NXN: variants seen among roughly 807,000 people sequenced by gnomAD.
NXN encodes the protein nucleoredoxin 1.
A neutral mutation model predicts 48.6 loss-of-function variants in NXN; 16 were observed. The observed-to-expected ratio is 0.33, with a 90% CI of 0.22 to 0.50. The LOEUF (loss-of-function observed/expected upper bound fraction) is 0.50, where lower values mean the gene tolerates loss of function less well. Ranked by LOEUF, NXN falls within the 20% of genes least tolerant of loss-of-function variation. NXN has a pLI of 0.98. For synonymous variants in NXN, 281 were observed against 269.6 expected (o/e 1.04, Z -0.41); for missense variants, 492 against 605.5 (o/e 0.81, Z 1.97).
Position 920,475 on chromosome 17 carries a change from G to C in NXN, c.360+58844C>G, listed in dbSNP as rs1212123757. ...CAATTCCTCCAGCGTTCTCCTCCCA[G>C]GGTTCCGCTCCCTCCCCAAGTGACC... On this transcript the variant is annotated intron_variant, in intron 1 of 7. Transcript: ENST00000336868. The surrounding 1 kb of genome is among the most constrained non-coding windows in gnomAD (Gnocchi z 4.6). 6.6e-6 allele frequency among the ~76,000 whole-genome samples: 1 copy of C among 151,940 alleles called. No homozygotes were observed. Among genetic ancestry groups the C allele is most frequent in the African/African-American group, 2.4e-5 (1 of 41,374 alleles).
intron 1 of NXN, among the ~76,000 whole-genome samples, chr17:841,036 G>A (rs1480108082): frequency 1.3e-5 from 2 of 152,124 alleles, no homozygotes; most frequent in Non-Finnish European, 2.9e-5. Flanking sequence ...TTCGAATCCC[G>A]GCTCTGCCAC....
In NXN at chr17:849,007, G is replaced by T. The variant is rs1430686495; in HGVS notation, c.361-22929C>A. Among the ~76,000 whole-genome samples the T allele has an allele frequency of 2.0e-5, 3 of 152,202 alleles. No homozygotes were observed. The highest frequency in any genetic ancestry group is 4.4e-5 in the Non-Finnish European group (3 of 68,034). ...ACCAGGCATTTGTGCCAGACGGTAT[G>T]GGGTCAGATCAAGACAAAGGTCTTC... On this transcript the variant is annotated intron_variant, in intron 1 of 7. Transcript: ENST00000336868. This position sits in a 1 kb window ranked among gnomAD's most constrained non-coding sequence, Gnocchi z 4.2.
chr17:899,968 C>G (rs1393973285), intron 1 of NXN, among the ~76,000 whole-genome samples: 1 of 152,050 alleles, frequency 6.6e-6, no homozygotes, highest in Non-Finnish European at 1.5e-5. Flanking sequence ...GAGTTTAACA[C>G]TAAAACTTTT....
In NXN at chr17:943,138, C is replaced by G. The variant is rs530869014; in HGVS notation, c.360+36181G>C. Among the ~76,000 whole-genome samples the G allele has an allele frequency of 2.6e-5, 4 of 152,296 alleles. No individual in the cohort carries two copies. In the South Asian group the frequency reaches 8.3e-4, roughly 32 times the overall value. On this transcript the variant is annotated intron_variant, in intron 1 of 7. Transcript: ENST00000336868. ...ACATACTTCATCGTTTTAAAATAAC[C>G]GTCGGTTTCTTAAGGTAAATATTAA... is the stretch of plus-strand genomic sequence containing the variant.
In NXN at chr17:799,634, C is replaced by T. The variant is rs1215297045; in HGVS notation, c.*1315G>A. 6.6e-6 allele frequency: 1 copy of T among 152,266 alleles called. No homozygotes were observed. The highest frequency in any genetic ancestry group is 1.5e-5 in the Non-Finnish European group (1 of 68,076). 9.4% of individuals were successfully genotyped at this position (152,266 alleles called of 1,614,324 possible). A position where few individuals can be genotyped will look rare whatever the true frequency, so the allele number is the denominator to read the frequency against. Reference sequence around the variant, plus strand: ...CCTGAGAACAGAGTTGTCTGTTTCTCTTTCGGGGGTCAGGTCAGCCCAAGT... The same window carrying T: ...CCTGAGAACAGAGTTGTCTGTTTCTTTTTCGGGGGTCAGGTCAGCCCAAGT... On this transcript the variant is annotated 3_prime_UTR_variant, in exon 8 of 8. Coordinates refer to ENST00000336868, the MANE Select transcript of NXN (RefSeq NM_022463.5).
intron 1 of NXN, among the ~76,000 whole-genome samples, chr17:846,930 C>T (rs1671721301): frequency 6.6e-6 from 1 of 152,098 alleles, no homozygotes; most frequent in African/African-American, 2.4e-5. Context: ...GAAGAGAAAC[C>T]TCATCATATC....
chr17:876,699 T>TC (rs1470258813), intron 1 of NXN, among the ~76,000 whole-genome samples: 1 of 152,178 alleles, frequency 6.6e-6, no homozygotes, highest in Non-Finnish European at 1.5e-5. Flanking sequence ...TACGGGAAAC[T>TC]CCTTGTGGTT....
intron 5 of NXN, among the ~76,000 whole-genome samples, chr17:812,067 A>C (rs1912067558): frequency 6.6e-6 from 1 of 151,176 alleles, no homozygotes; most frequent in East Asian, 1.9e-4. Flanking sequence ...AGCTGGGACT[A>C]CAGGCGCCCG....
chr17:944,030 G>A (rs1039517444), intron 1 of NXN, among the ~76,000 whole-genome samples: 1 of 151,996 alleles, frequency 6.6e-6, no homozygotes, highest in Non-Finnish European at 1.5e-5. Flanking sequence ...CTGAGGTCAG[G>A]GGTTCGAGAC....
At chr17:853,947 C>T (rs1340496196) in intron 1 of NXN, among the ~76,000 whole-genome samples, 3 of 151,840 alleles carry the variant, frequency 2.0e-5, no homozygotes, top group African/African-American at 2.4e-5. Flanking sequence ...GTCTTGATCT[C>T]CTGACCTCCT....
At chr17:937,497 A>T (rs1370286009) in intron 1 of NXN, among the ~76,000 whole-genome samples, 4 of 152,108 alleles carry the variant, frequency 2.6e-5, no homozygotes, top group African/African-American at 9.7e-5. Flanking sequence ...GTGGGGAGGG[A>T]CAAAAGGAGG....
At chr17:852,070 G>A (rs148011325) in intron 1 of NXN, among the ~76,000 whole-genome samples, 1 of 152,228 alleles carries the variant, frequency 6.6e-6, no homozygotes, top group Admixed American at 6.5e-5. Flanking sequence ...CAGGTCCTGT[G>A]CCAACGGAGG....
At chr17:953,141 C>G (rs922641054) in intron 1 of NXN, among the ~76,000 whole-genome samples, 24 of 151,732 alleles carry the variant, frequency 1.6e-4, no homozygotes, top group Admixed American at 6.6e-4. Flanking sequence ...CTGAGTAGCT[C>G]CCTGAAGTCC....
chr17:871,695 G>A lies in NXN; in HGVS notation c.361-45617C>T, dbSNP rs141974343. ...GCTGGGTACAGGCATGAGCCACCGCGCCCAGCTGCATTTGCTTTTGATAAG... is the reference window on the plus strand; with the variant it reads ...GCTGGGTACAGGCATGAGCCACCGCACCCAGCTGCATTTGCTTTTGATAAG... On this transcript the variant is annotated intron_variant, in intron 1 of 7. Coordinates refer to ENST00000336868, the MANE Select transcript of NXN (RefSeq NM_022463.5). Among the ~76,000 whole-genome samples the A allele has an allele frequency of 3.3e-5, 5 of 152,166 alleles. No homozygotes were observed. The East Asian group carries it at 5.8e-4, about 18-fold the overall frequency.
intron 1 of NXN, among the ~76,000 whole-genome samples, chr17:967,711 A>G (rs1196358540): frequency 2.0e-5 from 3 of 152,158 alleles, no homozygotes; most frequent in South Asian, 2.1e-4. Flanking sequence ...AAACAAACCA[A>G]CTGTCATCCC....
chr17:876,105 TG>T (rs1286933355), intron 1 of NXN, among the ~76,000 whole-genome samples: 1 of 151,242 alleles, frequency 6.6e-6, no homozygotes, highest in Admixed American at 6.6e-5. Flanking sequence ...CGCTTGAACC[TG>T]GGGGGGTGGA....
chr17:914,059 C>G (rs1054452285), intron 1 of NXN, among the ~76,000 whole-genome samples: 7 of 152,106 alleles, frequency 4.6e-5, no homozygotes, highest in African/African-American at 1.4e-4. Flanking sequence ...ACCACCACAC[C>G]CAGCTAATTT....
chr17:843,978 G>A (rs1472960759), intron 1 of NXN, among the ~76,000 whole-genome samples: 2 of 152,238 alleles, frequency 1.3e-5, no homozygotes, highest in African/African-American at 4.8e-5. Context: ...AGGGAAAACG[G>A]TCATTCCCTG....
Position 800,372 on chromosome 17 carries a change from C to CA in NXN, c.*576dup. On this transcript the variant is annotated 3_prime_UTR_variant, in exon 8 of 8. Transcript: ENST00000336868. ...CCTTAGCTACATTTTTCTTCTCACC[C>CA]AAAAAACCTCTACAAGCTTCCTTTT... The CA allele has an allele frequency of 6.6e-6, 1 of 152,328 alleles. No homozygotes were observed. Among genetic ancestry groups the CA allele is most frequent in the Non-Finnish European group, 1.5e-5 (1 of 68,040 alleles). 9.4% of individuals were successfully genotyped at this position (152,328 alleles called of 1,614,324 possible).
Sources: gnomAD v4.1 joint callset for allele counts (sites outside exome capture counted in the v4.1 genomes callset) on GRCh38, gnomAD v4.1.1 for gene constraint, Gnocchi (gnomAD v3.1) non-coding constraint, MANE v1.5 for transcripts, NCBI Gene and HGNC (gene_info 2026-07-23, HGNC 2026-07-21) for gene names.